The following ITCH variants were observed in gnomAD, a reference collection of about 807,000 sequenced individuals.
ITCH encodes the protein E3 ubiquitin-protein ligase Itchy homolog.
In ITCH, 28 loss-of-function variants were observed where a neutral mutation model predicts 126.8. The observed-to-expected ratio is 0.22, with a 90% CI of 0.16 to 0.30. ITCH has a LOEUF of 0.30. Among genes scored for constraint, ITCH ranks in the 10% least tolerant of loss-of-function variants. The pLI is 1.00. For missense variants in ITCH, 631 were observed against 1,032.4 expected (o/e 0.61, Z 5.33); for synonymous variants, 342 against 340.0 (o/e 1.01, Z -0.06).
chr20:34,488,667 T>C (rs189510848), intron 20 of ITCH, among the ~76,000 whole-genome samples: 9 of 151,946 alleles, frequency 5.9e-5, no homozygotes, highest in Non-Finnish European at 1.2e-4. Flanking sequence ...GAGCCCAGAT[T>C]GTATCATTGC....
chr20:34,475,327 T>G (rs938582258), intron 16 of ITCH, among the ~76,000 whole-genome samples: 20 of 151,376 alleles, frequency 1.3e-4, no homozygotes, highest in South Asian at 2.1e-4. Context: ...AGGTTGTAGC[T>G]AGCCGAGATC....
intron 4 of ITCH, among the ~76,000 whole-genome samples, chr20:34,409,291 C>G (rs1245460161): frequency 6.6e-6 from 1 of 152,078 alleles, no homozygotes; most frequent in Non-Finnish European, 1.5e-5. Context: ...CTCCTGGCCT[C>G]AAGAGATCCT....
intron 3 of ITCH, chr20:34,402,642 GTGT>G: frequency 1.7e-6 from 1 of 582,622 alleles, no homozygotes; most frequent in Non-Finnish European, 3.2e-6. Context: ...GAAATTTGTT[GTGT>G]TGTTTTACCA....
At chr20:34,377,208 AC>A (rs962402331) in intron 2 of ITCH, among the ~76,000 whole-genome samples, 6 of 152,032 alleles carry the variant, frequency 3.9e-5, no homozygotes, top group African/African-American at 1.2e-4. Context: ...CCTCGTGTCT[AC>A]TAAAAATATA....
At chr20:34,483,117 C>T (rs1988873488) in intron 20 of ITCH, among the ~76,000 whole-genome samples, 1 of 144,464 alleles carries the variant, frequency 6.9e-6, no homozygotes, top group South Asian at 2.2e-4. Context: ...GGGCCCGGCC[C>T]ATGAAACCAT....
At chr20:34,376,282 AT>A (rs2037841853) in intron 2 of ITCH, among the ~76,000 whole-genome samples, 1 of 152,060 alleles carries the variant, frequency 6.6e-6, no homozygotes, top group South Asian at 2.1e-4. Flanking sequence ...CCTCATAAAA[AT>A]CAGCCAGGCA....
chr20:34,495,597 G>T (rs1989825393), intron 23 of ITCH, among the ~76,000 whole-genome samples: 1 of 151,738 alleles, frequency 6.6e-6, no homozygotes, highest in African/African-American at 2.4e-5. Context: ...CATCTATGTT[G>T]TCATAAATGA....
At chr20:34,424,330 T>A in intron 6 of ITCH, 150 bp from the exon 7 acceptor site, 1 of 699,054 alleles carries the variant, frequency 1.4e-6, no homozygotes, top group Non-Finnish European at 2.5e-6. Context: ...ACATTTTTCC[T>A]TTTAAAGTCA....
intron 6 of ITCH, among the ~76,000 whole-genome samples, chr20:34,418,305 T>TAG (rs1980237676): frequency 6.6e-6 from 1 of 152,126 alleles, no homozygotes; most frequent in African/African-American, 2.4e-5. Flanking sequence ...CATAGTCTTG[T>TAG]AGAGATCTTT....
chr20:34,430,187 G>A (rs1486812928), intron 7 of ITCH, among the ~76,000 whole-genome samples: 1 of 152,094 alleles, frequency 6.6e-6, no homozygotes, highest in Non-Finnish European at 1.5e-5. Context: ...CATTTTTATA[G>A]GTGATGAGAA....
chr20:34,456,297 T>C (rs1333603220), intron 12 of ITCH, among the ~76,000 whole-genome samples: 2 of 126,046 alleles, frequency 1.6e-5, no homozygotes, highest in Non-Finnish European at 3.2e-5. Flanking sequence ...TGATCTCAGC[T>C]CACTGCAGTC....
intron 3 of ITCH, among the ~76,000 whole-genome samples, chr20:34,404,681 G>A (rs1212744818): frequency 6.6e-6 from 1 of 152,018 alleles, no homozygotes; most frequent in Non-Finnish European, 1.5e-5. Flanking sequence ...CCAAAGTGCT[G>A]GGATTACAGG....
intron 7 of ITCH, among the ~76,000 whole-genome samples, chr20:34,434,516 G>T (rs972147834): frequency 1.3e-5 from 2 of 152,124 alleles, no homozygotes; most frequent in Non-Finnish European, 2.9e-5. Context: ...AAGATGTTGG[G>T]CAGTCCTAGA....
rs750609503 is a variant in ITCH at position 34,440,328 on chromosome 20, G to T, written c.853G>T (p.Ala285Ser). 6.2e-7 allele frequency: 1 copy of T among 1,613,764 alleles called. No individual in the cohort carries two copies. The highest frequency in any genetic ancestry group is 1.1e-5 in the South Asian group (1 of 91,066). ...TAGGCCATTAAATCCTGTAACTCAA[G>T]CTCCCTTGCCACCTGGGTGAGTAAC... ...GPRPLNPVTQ[A>S]PLPPGWEQRV... The change falls in exon 9 of 25, where the codon GCT (alanine) becomes TCT (serine). Residue 285 changes from alanine to serine, a missense_variant. By Grantham distance (99) the Ala-to-Ser change is moderately conservative. Coordinates refer to ENST00000374864, the MANE Select transcript of ITCH (RefSeq NM_031483.7).
intron 6 of ITCH, among the ~76,000 whole-genome samples, chr20:34,420,426 TGTATGATA>T (rs1980603920): frequency 6.6e-6 from 1 of 152,246 alleles, no homozygotes; most frequent in South Asian, 2.1e-4. Flanking sequence ...TTCTTATGGC[TGTATGATA>T]GTTCTACTGT....
chr20:34,454,398 A>C (rs1181357777), intron 12 of ITCH: 1 of 151,990 alleles, frequency 6.6e-6, no homozygotes, highest in Non-Finnish European at 1.5e-5. Flanking sequence ...CGGCCTCCCA[A>C]AGTGCTGGGA....
chr20:34,460,087 T>C (rs535783404), intron 13 of ITCH, among the ~76,000 whole-genome samples: 2 of 152,386 alleles, frequency 1.3e-5, no homozygotes, highest in African/African-American at 4.8e-5. Context: ...TTACTGAGCC[T>C]ATCTTGCAAG....
intron 3 of ITCH, among the ~76,000 whole-genome samples, chr20:34,403,845 T>C (rs535276799): frequency 6.6e-6 from 1 of 152,262 alleles, no homozygotes; most frequent in South Asian, 2.1e-4. Flanking sequence ...GCAGCATGTT[T>C]AGAGGAATGA....
At chr20:34,398,841 A>G (rs1476061241) in intron 3 of ITCH, among the ~76,000 whole-genome samples, 1 of 152,100 alleles carries the variant, frequency 6.6e-6, no homozygotes, top group Non-Finnish European at 1.5e-5. Context: ...TTCAGCAAAC[A>G]TTATTAGATA....
Sources: allele counts gnomAD v4.1 joint callset (sites outside exome capture counted in the v4.1 genomes callset), GRCh38; gene constraint gnomAD v4.1.1; transcripts MANE v1.5; gene names NCBI Gene and HGNC (gene_info 2026-07-23, HGNC 2026-07-21).